The following ARHGAP9 variants were observed in gnomAD, a reference collection of about 807,000 sequenced individuals.
ARHGAP9 encodes the protein rho GTPase-activating protein 9.
Under a neutral mutation model 87.3 loss-of-function variants are expected in ARHGAP9, and 76 were observed. That is an observed-to-expected ratio of 0.87 (90% CI 0.72 to 1.05). The LOEUF (loss-of-function observed/expected upper bound fraction) is 1.05, where lower values mean the gene tolerates loss of function less well. Among genes scored for constraint, ARHGAP9 ranks in the 50% least tolerant of loss-of-function variants. The pLI is 0.00. For synonymous variants in ARHGAP9, 382 were observed against 394.9 expected (o/e 0.97, Z 0.39); for missense variants, 941 against 960.5 (o/e 0.98, Z 0.27).
chr12:57,488,616 T>G (rs1277066649), exon 1 of ARHGAP9: 2 of 1,550,990 alleles, frequency 1.3e-6, no homozygotes, highest in African/African-American at 2.7e-5. Flanking sequence ...GTTTACCTCT[T>G]CTCATTCTCA....
chr12:57,477,967 T>G, intron 3 of ARHGAP9: 1 of 1,230,362 alleles, frequency 8.1e-7, no homozygotes. Flanking sequence ...AGGCTTTTTG[T>G]GGGGTGGGGG....
At chr12:57,476,806 A>C in intron 6 of ARHGAP9, 65 bp downstream of exon 6, 2 of 1,093,080 alleles carry the variant, frequency 1.8e-6, no homozygotes, top group Non-Finnish European at 2.6e-6. Context: ...GTTTATGTGG[A>C]GCAGGAAAAG....
chr12:57,479,515 G>A, intron 1 of ARHGAP9, 91 bp from the exon 2 acceptor site: 21 of 1,504,302 alleles, frequency 1.4e-5, no homozygotes, highest in Non-Finnish European at 1.9e-5. Context: ...AGTGTTGCAG[G>A]GAGGTGAGGA....
chr12:57,488,427 TCCGTCTTC>T (rs1256251422), intron 1 of ARHGAP9: 1 of 824,854 alleles, frequency 1.2e-6, no homozygotes, highest in South Asian at 1.7e-5. Context: ...CCTCCCCTCT[TCCGTCTTC>T]CCGGTCCCCG....
At chr12:57,486,371 G>A (rs1254579343) in intron 1 of ARHGAP9, among the ~76,000 whole-genome samples, 3 of 151,654 alleles carry the variant, frequency 2.0e-5, no homozygotes, top group Admixed American at 1.3e-4. Flanking sequence ...CTGGGTTCAA[G>A]TGATTCTCCT....
chr12:57,485,129 T>C (rs904946931), intron 1 of ARHGAP9, among the ~76,000 whole-genome samples: 2 of 150,964 alleles, frequency 1.3e-5, no homozygotes, highest in African/African-American at 4.9e-5. Flanking sequence ...GTATTTTTAG[T>C]AGAGACTGGG....
chr12:57,483,081 G>A (rs906343933), upstream of ARHGAP9, among the ~76,000 whole-genome samples: 6 of 147,724 alleles, frequency 4.1e-5, no homozygotes, highest in South Asian at 2.1e-4. Flanking sequence ...CCTGGGTGAC[G>A]GAGCGAGACT....
rs1873446876 is a variant in ARHGAP9 at position 57,475,865 on chromosome 12, G to A, written c.1279C>T (p.His427Tyr). The A allele has an allele frequency of 1.2e-6, 2 of 1,613,952 alleles. No individual in the cohort carries two copies. Among genetic ancestry groups the A allele is most frequent in the South Asian group, 2.2e-5 (2 of 91,080 alleles). Residue 427 changes from histidine to tyrosine, a missense_variant, in exon 10 of 18, where the codon CAC becomes TAC. Transcript: ENST00000393791. ...TCGATGACAGTCCGCAGCGCGCGGT[G>A]CCAGGCTCGCAGCTCTGTCTCGTGG... ...SDHETELRAW[H>Y]RALRTVIERL...
upstream of ARHGAP9, among the ~76,000 whole-genome samples, chr12:57,480,558 A>T (rs1438953226): frequency 6.6e-6 from 1 of 152,108 alleles, no homozygotes; most frequent in Non-Finnish European, 1.5e-5. Context: ...GAGATGAGAG[A>T]AGGGAATGAG....
intron 12 of ARHGAP9, 95 bp from the exon 13 acceptor site, chr12:57,475,068 C>T (rs1370129533): frequency 7.5e-7 from 1 of 1,336,492 alleles, no homozygotes; most frequent in Non-Finnish European, 1.0e-6. Context: ...GGCTGGTCCT[C>T]CTGGCTGCCT....
upstream of ARHGAP9, chr12:57,484,080 C>T (rs539244): frequency 0.14 from 33,754 of 243,928 alleles, 2,905 homozygotes; most frequent in East Asian, 0.25. Context: ...AGGCCGGGTG[C>T]GGTGGCTCAC....
At chr12:57,486,681 C>T (rs1382668871) in intron 1 of ARHGAP9, among the ~76,000 whole-genome samples, 2 of 148,944 alleles carry the variant, frequency 1.3e-5, no homozygotes, top group Non-Finnish European at 3.0e-5. Flanking sequence ...GTCGGGGGAT[C>T]GAGACCATCC....
intron 1 of ARHGAP9, chr12:57,488,012 C>T: frequency 8.1e-7 from 1 of 1,228,448 alleles, no homozygotes; most frequent in South Asian, 1.2e-5. Context: ...ACTCCATTTC[C>T]CGGCGTGCCT....
chr12:57,475,329 G>T lies in ARHGAP9; in HGVS notation c.1514C>A (p.Pro505Gln). ...NKLKRLIAKR[P>Q]PLQSLQERGL... is the part of the protein sequence containing the mutation. ...CCGCTCCTGCAGGCTTTGTAAGGGCGGTCTCTTCGCGATGAGCCGCTTTAG... is the reference window on the plus strand; with the variant it reads ...CCGCTCCTGCAGGCTTTGTAAGGGCTGTCTCTTCGCGATGAGCCGCTTTAG... Residue 505 changes from proline to glutamine, a missense_variant, in exon 12 of 18, where the codon CCG becomes CAG. By Grantham distance (76) the Pro-to-Gln change is moderately conservative. Transcript: ENST00000393791. 3.1e-6 allele frequency: 5 copies of T among 1,602,452 alleles called. No homozygotes were observed. The highest frequency in any genetic ancestry group is 4.3e-6 in the Non-Finnish European group (5 of 1,174,286).
In ARHGAP9 at chr12:57,473,722, T is replaced by A; in HGVS notation, c.1919-14A>T. 6.2e-7 allele frequency: 1 copy of A among 1,608,896 alleles called. No individual in the cohort carries two copies. The highest frequency in any genetic ancestry group is 1.1e-5 in the South Asian group (1 of 90,968). The stretch of plus-strand genomic sequence containing the variant: ...ATTCGGAGAGTGCTAGAGAGAGTGA[T>A]GGGAAAGGCATGGTAGTAAGGTTAG... On this transcript the variant is annotated splice_polypyrimidine_tract_variant and intron_variant, in intron 16 of 17. Transcript: ENST00000393791.
upstream of ARHGAP9, among the ~76,000 whole-genome samples, chr12:57,482,734 T>A (rs890207226): frequency 4.6e-5 from 7 of 152,100 alleles, no homozygotes; most frequent in African/African-American, 1.7e-4. Flanking sequence ...ATTTAATAAA[T>A]ATTTATTGAA....
intron 3 of ARHGAP9, chr12:57,478,164 G>A: frequency 3.2e-6 from 1 of 310,516 alleles, no homozygotes; most frequent in Non-Finnish European, 6.0e-6. Flanking sequence ...GAAAAACCCT[G>A]CCCTGGGCTA....
At chr12:57,476,268 C>G (rs1276296648) in intron 8 of ARHGAP9, 96 bp downstream of exon 8, 8 of 1,517,008 alleles carry the variant, frequency 5.3e-6, no homozygotes, top group East Asian at 2.4e-5. Flanking sequence ...CACTTCTTTA[C>G]TTTCCTCTGC....
At chr12:57,476,725 CT>C in intron 6 of ARHGAP9, 74 bp from the exon 7 acceptor site, 16 of 1,597,728 alleles carry the variant, frequency 1.0e-5, no homozygotes, top group Non-Finnish European at 1.4e-5. Flanking sequence ...CCTAGGGGGT[CT>C]CCCAGGAGTG....
Sources: gnomAD v4.1 joint callset for allele counts (sites outside exome capture counted in the v4.1 genomes callset) on GRCh38, gnomAD v4.1.1 for gene constraint, MANE v1.5 for transcripts, NCBI Gene and HGNC (gene_info 2026-07-23, HGNC 2026-07-21) for gene names.